Variants in CCDC80 observed in about 807,000 individuals in gnomAD.
CCDC80 encodes the protein coiled-coil domain-containing protein 80.
In CCDC80, 49 loss-of-function variants were observed where a neutral mutation model predicts 78.7. The ratio of observed to expected loss-of-function variants is 0.62; its 90% CI spans 0.50 to 0.79. The LOEUF is 0.79. Ranked by LOEUF, CCDC80 falls within the 30% of genes least tolerant of loss-of-function variation. The probability of loss-of-function intolerance (pLI) is 0.00; values close to 1 mark genes in which losing one functional copy is unlikely to be tolerated. For missense variants in CCDC80, 1,205 were observed against 1,198.6 expected (o/e 1.01, Z -0.08); for synonymous variants, 488 against 447.0 (o/e 1.09, Z -1.16).
In CCDC80 at chr3:112,639,415, T is replaced by C; in HGVS notation, c.491A>G (p.Tyr164Cys). 1 of 1,614,150 alleles carries C rather than the reference T, an allele frequency of 6.2e-7. No individual in the cohort carries two copies. The highest frequency in any genetic ancestry group is 8.5e-7 in the Non-Finnish European group (1 of 1,180,018). The stretch of plus-strand genomic sequence containing the variant: ...CTTCAGCAGGCTCATCATGAGGCGG[T>C]AGTAGCCTTCCGAGGCATGAGGGGC... ...ISAPHASEGY[Y>C]RLMMSLLKDD... Residue 164 changes from tyrosine to cysteine, a missense_variant, in exon 2 of 8, where the codon TAC (tyrosine) becomes TGC (cysteine). Coordinates refer to ENST00000206423, the MANE Select transcript of CCDC80 (RefSeq NM_199511.3).
chr3:112,609,910 T>A, intron 6 of CCDC80, 68 bp downstream of exon 6: 2 of 1,119,616 alleles, frequency 1.8e-6, no homozygotes, highest in South Asian at 1.4e-5. Flanking sequence ...AGGTTCTATG[T>A]TCCATTTTAG....
chr3:112,616,220 T>C (rs1935737431), intron 5 of CCDC80, among the ~76,000 whole-genome samples: 1 of 151,996 alleles, frequency 6.6e-6, no homozygotes, highest in Admixed American at 6.5e-5. Flanking sequence ...GATTTCTCCT[T>C]TTGAGGTCTT....
At position 112,618,887 on chromosome 3, in the gene CCDC80, T is replaced by A. The variant is rs1935805789; in HGVS notation, c.2172+81A>T. 2.1e-6 allele frequency: 3 copies of A among 1,436,626 alleles called. No individual in the cohort carries two copies. The East Asian group carries it at 7.1e-5, about 34-fold the overall frequency. The allele number at this position is 1,436,626 out of a possible 1,614,324, so 89.0% of individuals were successfully genotyped here. On this transcript the variant is annotated intron_variant, in intron 4 of 7. Coordinates refer to ENST00000206423, the MANE Select transcript of CCDC80 (RefSeq NM_199511.3). ...AAAATAATTTATGCTTACTCGTACA[T>A]TGAATGGACTGTTTAACAAAACAAT...
intron 3 of CCDC80, among the ~76,000 whole-genome samples, chr3:112,625,420 CA>C (rs1935946525): frequency 6.6e-6 from 1 of 152,178 alleles, no homozygotes; most frequent in African/African-American, 2.4e-5. Context: ...GAAAGATGCA[CA>C]CACAATTTCA....
intron 3 of CCDC80, among the ~76,000 whole-genome samples, chr3:112,623,495 A>C (rs950158136): frequency 2.0e-5 from 3 of 152,160 alleles, no homozygotes; most frequent in African/African-American, 7.2e-5. Flanking sequence ...GCAGTTTGTA[A>C]AAGTACGATC....
At chr3:112,614,445 A>G (rs1039461308) in intron 5 of CCDC80, among the ~76,000 whole-genome samples, 3 of 152,184 alleles carry the variant, frequency 2.0e-5, no homozygotes, top group Non-Finnish European at 1.5e-5. Context: ...AGCTCTTAGC[A>G]TAAATCTTTT....
rs567905980 is a variant in CCDC80 at position 112,618,034 on chromosome 3, T to C, written c.2172+934A>G. Among the ~76,000 whole-genome samples, 4 of 152,324 alleles carry C rather than the reference T, an allele frequency of 2.6e-5. No homozygotes were observed. The South Asian group carries it at 6.2e-4, about 24-fold the overall frequency. On this transcript the variant is annotated intron_variant, in intron 4 of 7. Transcript: ENST00000206423. ...CATTCTGGGCCTCTGTTTTTTCCTC[T>C]GTGAAACAAAAATAATGTTAGCATT...
rs1935304156 is a variant in CCDC80, at chr3:112,597,646, G to C, written c.*7771C>G. 1 of 152,120 alleles carries C rather than the reference G, an allele frequency of 6.6e-6. No individual in the cohort carries two copies. Among genetic ancestry groups the C allele is most frequent in the Admixed American group, 6.6e-5 (1 of 15,262 alleles). 9.4% of individuals were successfully genotyped at this position (152,120 alleles called of 1,614,324 possible). On this transcript the variant is annotated 3_prime_UTR_variant, in exon 8 of 8. Coordinates refer to ENST00000206423, the MANE Select transcript of CCDC80 (RefSeq NM_199511.3). ...AAAATCTTCAGGAGAAACTGTGCCT[G>C]AACTGTGAGTATCCAGAAGCCATTG... is the stretch of plus-strand genomic sequence containing the variant.
chr3:112,634,625 C>A (rs1936168555), intron 2 of CCDC80, among the ~76,000 whole-genome samples: 1 of 152,214 alleles, frequency 6.6e-6, no homozygotes, highest in African/African-American at 2.4e-5. Flanking sequence ...CACATTTGTG[C>A]TTAGCAATCA....
intron 3 of CCDC80, among the ~76,000 whole-genome samples, chr3:112,627,727 G>C (rs1375768378): frequency 1.3e-5 from 2 of 152,092 alleles, no homozygotes; most frequent in East Asian, 3.9e-4. Context: ...GGTAAACTGG[G>C]ACATGACACA....
intron 5 of CCDC80, 117 bp from the exon 6 acceptor site, chr3:112,610,198 G>GA (rs1200194621): frequency 1.0e-5 from 8 of 774,834 alleles, no homozygotes; most frequent in East Asian, 8.1e-5. Context: ...AAAAAAAAAA[G>GA]AAAAAAACAG....
Position 112,608,991 on chromosome 3 carries a change from T to C in CCDC80, c.2425+987A>G, listed in dbSNP as rs72942077. On this transcript the variant is annotated intron_variant, in intron 6 of 7. Transcript: ENST00000206423. ...AAATCAAGCACAGTTTTGTAACTAG[T>C]AGATGATTCTTCCTCCTAATAGAGG... Among the ~76,000 whole-genome samples, 1,296 of 152,328 alleles carry C rather than the reference T, an allele frequency of 8.5e-3. 15 individuals carry two copies. The highest frequency in any genetic ancestry group is 0.03 in the African/African-American group (1,235 of 41,564).
chr3:112,617,643 T>C (rs1356589287), intron 4 of CCDC80, among the ~76,000 whole-genome samples: 1 of 152,254 alleles, frequency 6.6e-6, no homozygotes, highest in Non-Finnish European at 1.5e-5. Flanking sequence ...ATGATGCCAT[T>C]TCTCCAGATC....
intron 2 of CCDC80, among the ~76,000 whole-genome samples, chr3:112,633,525 A>G (rs567879875): frequency 1.3e-5 from 2 of 152,272 alleles, no homozygotes; most frequent in East Asian, 1.9e-4. Context: ...TGTCCTGCAG[A>G]TGGTGGGGGC....
chr3:112,609,132 T>C (rs1935572385), intron 6 of CCDC80, among the ~76,000 whole-genome samples: 1 of 150,570 alleles, frequency 6.6e-6, no homozygotes, highest in South Asian at 2.1e-4. Flanking sequence ...ATTCTTCTTC[T>C]GCAGAGGTAT....
At position 112,638,929 on chromosome 3, in the gene CCDC80, C is replaced by A; in HGVS notation, c.977G>T (p.Ser326Ile). 6.2e-7 allele frequency: 1 copy of A among 1,613,314 alleles called. No individual in the cohort carries two copies. Among genetic ancestry groups the A allele is most frequent in the South Asian group, 1.1e-5 (1 of 91,080 alleles). ...RRAQVPPTRESRVKVLRKLAA... is the reference protein window; with the variant it reads ...RRAQVPPTREIRVKVLRKLAA... ...CAGTTTTCTCAGGACCTTCACCCGA[C>A]TCTCTCTGGTTGGTGGGACTTGTGC... Residue 326 changes from serine to isoleucine, a missense_variant, in exon 2 of 8, where the codon AGT becomes ATT. Coordinates refer to ENST00000206423, the MANE Select transcript of CCDC80 (RefSeq NM_199511.3).
At chr3:112,613,110 T>G (rs1935665209) in intron 5 of CCDC80, among the ~76,000 whole-genome samples, 1 of 152,150 alleles carries the variant, frequency 6.6e-6, no homozygotes, top group Non-Finnish European at 1.5e-5. Flanking sequence ...ACTTACTATG[T>G]TCATTTTGCA....
chr3:112,623,099 T>A (rs1436648128), intron 3 of CCDC80, among the ~76,000 whole-genome samples: 6 of 152,158 alleles, frequency 3.9e-5, no homozygotes, highest in Non-Finnish European at 8.8e-5. Context: ...AGGTGAGGGA[T>A]TCCCAGGGAA....
rs995812526 is a variant in CCDC80 at position 112,603,872 on chromosome 3, G to T, written c.*1545C>A. 5 of 152,140 alleles carry T rather than the reference G, an allele frequency of 3.3e-5. No homozygotes were observed. Among genetic ancestry groups the T allele is most frequent in the Non-Finnish European group, 5.9e-5 (4 of 68,030 alleles). 9.4% of individuals were successfully genotyped at this position (152,140 alleles called of 1,614,324 possible). ...AGAACATCGTGATTCATGGGAGAAG[G>T]TCAAAATAGGAAGATCAATGAGTTC... On this transcript the variant is annotated 3_prime_UTR_variant, in exon 8 of 8. Transcript: ENST00000206423.
Sources: gnomAD v4.1 joint callset for allele counts (sites outside exome capture counted in the v4.1 genomes callset) on GRCh38, gnomAD v4.1.1 for gene constraint, MANE v1.5 for transcripts, NCBI Gene and HGNC (gene_info 2026-07-23, HGNC 2026-07-21) for gene names.